ARID2: variants seen among roughly 807,000 people sequenced by gnomAD.
ARID2 encodes AT-rich interaction domain 2.
ARID2 carries 32 observed loss-of-function variants against 184.6 expected under a neutral mutation model. The ratio of observed to expected loss-of-function variants is 0.17; its 90% CI spans 0.13 to 0.23. The LOEUF (loss-of-function observed/expected upper bound fraction) is 0.23. ARID2 is among the 10% of genes least tolerant of loss of function. The pLI is 1.00. For missense variants in ARID2, 1,696 were observed against 2,197.6 expected (o/e 0.77, Z 4.56); for synonymous variants, 836 against 772.6 (o/e 1.08, Z -1.36).
At chr12:45,853,447 ATTC>A (rs1943592393) in intron 15 of ARID2, among the ~76,000 whole-genome samples, 1 of 152,166 alleles carries the variant, frequency 6.6e-6, no homozygotes. Context: ...ATATTCTGAT[ATTC>A]TTTTCTGTTT....
chr12:45,852,569 A>G lies in ARID2; in HGVS notation c.4446A>G (p.Gln1482=), dbSNP rs1943574646. Residue 1482 remains glutamine, a synonymous_variant, in exon 15 of 21, where the codon CAA becomes CAG. Coordinates refer to ENST00000334344, the MANE Select transcript of ARID2 (RefSeq NM_152641.4). ...CAACCTCTGTTATACAGGGACATCAAATCATAGCAGTTCCCGACTCAGGAT... is the reference window on the plus strand; with the variant it reads ...CAACCTCTGTTATACAGGGACATCAGATCATAGCAGTTCCCGACTCAGGAT... ...HSTTSVIQGH[Q]IIAVPDSGSK... 3 of 1,614,124 alleles carry G rather than the reference A, an allele frequency of 1.9e-6. No individual in the cohort carries two copies. Among genetic ancestry groups the G allele is most frequent in the Non-Finnish European group, 8.5e-7 (1 of 1,180,010 alleles).
chr12:45,872,080 G>C (rs541857945), intron 16 of ARID2, among the ~76,000 whole-genome samples: 1 of 151,840 alleles, frequency 6.6e-6, no homozygotes, highest in African/African-American at 2.4e-5. Context: ...TTTTGGTTTT[G>C]TTAAATTTTT....
At chr12:45,845,216 C>CTT (rs1453082893) in intron 11 of ARID2, among the ~76,000 whole-genome samples, 1 of 152,058 alleles carries the variant, frequency 6.6e-6, no homozygotes, top group Non-Finnish European at 1.5e-5. Flanking sequence ...AAATTTCAGT[C>CTT]TAAGTAGGGT....
At chr12:45,795,722 C>A (rs142530225) in intron 3 of ARID2, among the ~76,000 whole-genome samples, 9 of 152,202 alleles carry the variant, frequency 5.9e-5, no homozygotes, top group African/African-American at 2.2e-4. Flanking sequence ...AGGCGTGAGC[C>A]CCCGCGCCTG....
At chr12:45,747,781 G>T (rs1392293266) in intron 3 of ARID2, among the ~76,000 whole-genome samples, 2 of 152,124 alleles carry the variant, frequency 1.3e-5, no homozygotes, top group African/African-American at 4.8e-5. Context: ...GTGTCATTTT[G>T]TGCAATTCTA....
chr12:45,750,989 G>A (rs780102467), intron 3 of ARID2, among the ~76,000 whole-genome samples: 1 of 152,098 alleles, frequency 6.6e-6, no homozygotes, highest in African/African-American at 2.4e-5. Context: ...TTAATTTAAT[G>A]AATAATAATT....
intron 3 of ARID2, among the ~76,000 whole-genome samples, chr12:45,765,743 C>T (rs572668726): frequency 7.9e-5 from 12 of 152,132 alleles, no homozygotes; most frequent in African/African-American, 1.9e-4. Flanking sequence ...TGGTAGGTTT[C>T]GACATGTGTA....
At chr12:45,875,689 G>C (rs912032608) in intron 16 of ARID2, among the ~76,000 whole-genome samples, 3 of 152,230 alleles carry the variant, frequency 2.0e-5, no homozygotes, top group Non-Finnish European at 4.4e-5. Context: ...TTCTGCATCA[G>C]GACTTGCTTT....
chr12:45,875,440 C>T (rs1432292042), intron 16 of ARID2, among the ~76,000 whole-genome samples: 3 of 152,222 alleles, frequency 2.0e-5, no homozygotes, highest in Non-Finnish European at 4.4e-5. Flanking sequence ...GGCCAATGAG[C>T]ATTGACTTCA....
intron 3 of ARID2, among the ~76,000 whole-genome samples, chr12:45,802,991 C>T (rs1173999014): frequency 6.6e-6 from 1 of 151,986 alleles, no homozygotes; most frequent in African/African-American, 2.4e-5. Flanking sequence ...TATCCTCTCC[C>T]CTCATTTTCT....
In ARID2 at chr12:45,905,709, A is replaced by G. The variant is rs1380687443; in HGVS notation, c.*631A>G. On this transcript the variant is annotated 3_prime_UTR_variant, in exon 21 of 21. Transcript: ENST00000334344. ...AGATCTTGTAAATATTTGTGAATAG[A>G]ATGAATACCTTTCATGCCACTGCAG... 1.7e-5 allele frequency: 4 copies of G among 232,824 alleles called. No individual in the cohort carries two copies. The highest frequency in any genetic ancestry group is 3.4e-5 in the Non-Finnish European group (4 of 117,664). 14.4% of individuals were successfully genotyped at this position (232,824 alleles called of 1,614,324 possible).
At position 45,846,894 on chromosome 12, in the gene ARID2, C is replaced by T. The variant is rs1387137586; in HGVS notation, c.1537C>T (p.Pro513Ser). Residue 513 changes from proline (P) to serine (S), a missense_variant, in exon 12 of 21, where the codon CCA becomes TCA. Transcript: ENST00000334344. ...AVVAQHVAPP[P>S]GIVEIDSEKF... ...TGTAGCGCAGCATGTTGCTCCACCTCCAGGAATAGTGGAAATAGATAGTGA... is the reference window on the plus strand; with the variant it reads ...TGTAGCGCAGCATGTTGCTCCACCTTCAGGAATAGTGGAAATAGATAGTGA... 1 of 1,613,028 alleles carries T rather than the reference C, an allele frequency of 6.2e-7. No homozygotes were observed. The highest frequency in any genetic ancestry group is 8.5e-7 in the Non-Finnish European group (1 of 1,179,312).
intron 3 of ARID2, among the ~76,000 whole-genome samples, chr12:45,749,586 C>T (rs1941420739): frequency 1.3e-5 from 2 of 152,324 alleles, no homozygotes; most frequent in South Asian, 2.1e-4. Context: ...CTCTGAAAGT[C>T]TCAGATGGCA....
chr12:45,790,018 A>AT (rs1244963483), intron 3 of ARID2, among the ~76,000 whole-genome samples: 2 of 152,182 alleles, frequency 1.3e-5, no homozygotes, highest in Non-Finnish European at 2.9e-5. Context: ...AATTTATGTG[A>AT]TTCGAATGGA....
intron 15 of ARID2, among the ~76,000 whole-genome samples, chr12:45,858,983 A>G (rs1943698695): frequency 6.6e-6 from 1 of 152,178 alleles, no homozygotes; most frequent in Non-Finnish European, 1.5e-5. Flanking sequence ...TTTGTCTTTC[A>G]ACATGTTATT....
intron 3 of ARID2, among the ~76,000 whole-genome samples, chr12:45,806,344 C>T (rs1372758644): frequency 1.3e-5 from 2 of 151,972 alleles, no homozygotes; most frequent in Admixed American, 1.3e-4. Context: ...ACCCATGTAC[C>T]CGGACACCCT....
At chr12:45,776,111 G>C (rs1018783040) in intron 3 of ARID2, 1 of 168,452 alleles carries the variant, frequency 5.9e-6, no homozygotes, top group Non-Finnish European at 1.5e-5. Flanking sequence ...CTACAGCAGT[G>C]ATTCTCTAAC....
chr12:45,738,403 C>G (rs1377095510), intron 3 of ARID2, among the ~76,000 whole-genome samples: 1 of 152,120 alleles, frequency 6.6e-6, no homozygotes, highest in East Asian at 1.9e-4. Flanking sequence ...CAACCTTCAC[C>G]TCCTGGGTTC....
intron 4 of ARID2, among the ~76,000 whole-genome samples, chr12:45,813,527 C>T (rs1942751249): frequency 2.0e-5 from 3 of 149,408 alleles, no homozygotes; most frequent in Non-Finnish European, 3.0e-5. Flanking sequence ...AAGAAATTTA[C>T]TTAGAACTTT....
Sources: gnomAD v4.1 joint callset for allele counts (sites outside exome capture counted in the v4.1 genomes callset) on GRCh38, gnomAD v4.1.1 for gene constraint, MANE v1.5 for transcripts, NCBI Gene and HGNC (gene_info 2026-07-23, HGNC 2026-07-21) for gene names.